Variants in PIGU observed in about 807,000 individuals in gnomAD.
The protein encoded by PIGU is GPI-anchor transamidase component PIGU.
PIGU carries 24 observed loss-of-function variants against 49.9 expected under a neutral mutation model. That is an observed-to-expected ratio of 0.48 (90% confidence interval 0.35 to 0.68). The LOEUF (loss-of-function observed/expected upper bound fraction) is 0.68, where lower values mean the gene tolerates loss of function less well. Ranked by LOEUF, PIGU falls within the 30% of genes least tolerant of loss-of-function variation. The pLI is 0.01. For missense variants in PIGU, 490 were observed against 532.6 expected, an observed-to-expected ratio of 0.92 and a Z score of 0.79; for synonymous variants, 220 against 205.7, an observed-to-expected ratio of 1.07 and a Z score of -0.59.
intron 4 of PIGU, among the ~76,000 whole-genome samples, chr20:34,642,684 C>T (rs1245179761): frequency 1.5e-5 from 2 of 129,248 alleles, no homozygotes; most frequent in African/African-American, 2.7e-5. Context: ...TATGCACACA[C>T]ACATATCTCA....
chr20:34,563,748 G>A (rs1982628784), intron 11 of PIGU, among the ~76,000 whole-genome samples: 1 of 152,056 alleles, frequency 6.6e-6, no homozygotes. Context: ...GGGGGGTCTA[G>A]ACTTGGTTAC....
chr20:34,668,700 C>T (rs1027790511), intron 1 of PIGU, among the ~76,000 whole-genome samples: 7 of 142,718 alleles, frequency 4.9e-5, no homozygotes, highest in Admixed American at 2.1e-4. Flanking sequence ...AACCGGAAGG[C>T]GGAGCTTGCA....
In PIGU at chr20:34,642,812, C is replaced by G. The variant is rs142182949; in HGVS notation, c.318+1352G>C. Reference sequence around the variant, plus strand: ...TCACTCTGTTGCCCAGGCTGGAGTACAGTGGCGCGATCTTGGCTCACTCCA... The same window carrying G: ...TCACTCTGTTGCCCAGGCTGGAGTAGAGTGGCGCGATCTTGGCTCACTCCA... On this transcript the variant is annotated intron_variant, in intron 4 of 11. Transcript: ENST00000217446. Among the ~76,000 whole-genome samples, 966 of 134,636 alleles carry G rather than the reference C, an allele frequency of 7.2e-3. 7 individuals are homozygous for G. The highest frequency in any genetic ancestry group is 0.012 in the Non-Finnish European group (759 of 65,278). The allele number at this position is 134,636 out of a possible 152,430, so 88.3% of individuals were successfully genotyped here.
intron 7 of PIGU, among the ~76,000 whole-genome samples, chr20:34,591,039 A>AATAT (rs1555796928): frequency 6.7e-6 from 1 of 150,316 alleles, no homozygotes; most frequent in Admixed American, 6.6e-5. Context: ...GAGAAAAAAA[A>AATAT]ATATATATAT....
intron 6 of PIGU, among the ~76,000 whole-genome samples, chr20:34,629,759 G>T (rs1985630444): frequency 6.6e-6 from 1 of 152,168 alleles, no homozygotes; most frequent in Non-Finnish European, 1.5e-5. Flanking sequence ...TAACCCAAAT[G>T]CTTACAGAGG....
intron 2 of PIGU, among the ~76,000 whole-genome samples, chr20:34,650,803 T>G (rs2146777582): frequency 7.4e-6 from 1 of 135,098 alleles, no homozygotes; most frequent in South Asian, 2.6e-4. Context: ...AACCTCTGTC[T>G]CCCAGGATCA....
intron 7 of PIGU, 47 bp downstream of exon 7, chr20:34,615,995 G>A (rs376762685): frequency 1.9e-6 from 3 of 1,574,984 alleles, no homozygotes; most frequent in Non-Finnish European, 2.6e-6. Flanking sequence ...ACCAGGCCAT[G>A]TATTAAATGT....
intron 1 of PIGU, among the ~76,000 whole-genome samples, chr20:34,659,896 C>A (rs1986876571): frequency 6.6e-6 from 1 of 151,474 alleles, no homozygotes. Context: ...TCTCAAGTAC[C>A]CAGGGACACA....
intron 1 of PIGU, among the ~76,000 whole-genome samples, chr20:34,659,055 T>C (rs1376335761): frequency 4.1e-4 from 38 of 92,998 alleles, no homozygotes; most frequent in African/African-American, 5.1e-4. Context: ...CCCGGCCAGC[T>C]GCCCCGTCCG....
chr20:34,658,218 C>T lies in PIGU; in HGVS notation c.131-974G>A, dbSNP rs548308502. Reference sequence around the variant, plus strand: ...CTGTGTTGGCCGGGCCGGTCTCCAGCTCCTAACCGCGAGTGATCCGCCAAC... The same window carrying T: ...CTGTGTTGGCCGGGCCGGTCTCCAGTTCCTAACCGCGAGTGATCCGCCAAC... On this transcript the variant is annotated intron_variant, in intron 1 of 11. Coordinates refer to ENST00000217446, the MANE Select transcript of PIGU (RefSeq NM_080476.5). Among the ~76,000 whole-genome samples, 13 of 152,368 alleles carry T rather than the reference C, an allele frequency of 8.5e-5. No homozygotes were observed. In the East Asian group the frequency reaches 1.9e-3, roughly 23 times the overall value.
chr20:34,658,933 G>A (rs1266036318), intron 1 of PIGU, among the ~76,000 whole-genome samples: 10 of 148,442 alleles, frequency 6.7e-5, no homozygotes, highest in Non-Finnish European at 7.4e-5. Flanking sequence ...CAGCCGCCCC[G>A]TCCGGGAGGG....
In PIGU at chr20:34,560,938, C is replaced by T. The variant is rs1417081389; in HGVS notation, c.1236G>A (p.Arg412=). 2 of 1,613,146 alleles carry T rather than the reference C, an allele frequency of 1.2e-6. No homozygotes were observed. The highest frequency in any genetic ancestry group is 1.7e-5 in the Admixed American group (1 of 59,976). Residue 412 remains arginine (R), a synonymous_variant, in exon 12 of 12, where the codon CGG becomes CGA. Coordinates refer to ENST00000217446, the MANE Select transcript of PIGU (RefSeq NM_080476.5). ...ISDYFYAFLR[R]EYYLTHGLYL... is the part of the protein sequence containing the mutation. ...AGAGGCCATGTGTGAGGTAGTACTC[C>T]CGCCGCAGGAAGGCATAGAAGTAAT...
At chr20:34,669,134 G>A (rs890638048) in intron 1 of PIGU, among the ~76,000 whole-genome samples, 2 of 151,844 alleles carry the variant, frequency 1.3e-5, no homozygotes, top group Non-Finnish European at 2.9e-5. Flanking sequence ...GCATCCCCTC[G>A]CCTCAGCCTC....
chr20:34,585,342 G>A (rs758829344), intron 9 of PIGU, 95 bp downstream of exon 9: 21 of 1,405,506 alleles, frequency 1.5e-5, no homozygotes, highest in Non-Finnish European at 2.0e-5. Context: ...CTGACAGCAG[G>A]TGCTCCACAT....
chr20:34,628,220 T>C (rs983869957), intron 6 of PIGU, among the ~76,000 whole-genome samples: 2 of 152,128 alleles, frequency 1.3e-5, no homozygotes, highest in African/African-American at 2.4e-5. Flanking sequence ...TGGTGGTTCA[T>C]GCCTGTAATA....
At chr20:34,575,663 C>T (rs963918115) in intron 10 of PIGU, among the ~76,000 whole-genome samples, 9 of 152,068 alleles carry the variant, frequency 5.9e-5, no homozygotes, top group Admixed American at 1.3e-4. Flanking sequence ...CAGCATGAAC[C>T]GTGACGATTA....
chr20:34,569,202 T>A (rs1389366121), intron 11 of PIGU, among the ~76,000 whole-genome samples: 1 of 151,600 alleles, frequency 6.6e-6, no homozygotes, highest in Non-Finnish European at 1.5e-5. Context: ...AGACCCTGTC[T>A]CAAAAAGAAA....
At chr20:34,566,005 GAC>G (rs1030506697) in intron 11 of PIGU, among the ~76,000 whole-genome samples, 13 of 148,354 alleles carry the variant, frequency 8.8e-5, no homozygotes, top group South Asian at 6.5e-4. Context: ...GCAATGCTTA[GAC>G]ACACATGCTC....
intron 2 of PIGU, among the ~76,000 whole-genome samples, chr20:34,652,811 GA>G (rs1986581969): frequency 6.6e-6 from 1 of 152,070 alleles, no homozygotes; most frequent in South Asian, 2.1e-4. Flanking sequence ...TGTGGTCAGA[GA>G]ATATATTTTG....
Sources: gnomAD v4.1 joint callset for allele counts (sites outside exome capture counted in the v4.1 genomes callset) on GRCh38, gnomAD v4.1.1 for gene constraint, MANE v1.5 for transcripts, NCBI Gene and HGNC (gene_info 2026-07-23, HGNC 2026-07-21) for gene names.